The following FOXP2 variants were observed in gnomAD, a reference collection of about 807,000 sequenced individuals.
FOXP2 encodes forkhead box protein P2.
Under a neutral mutation model 115.8 loss-of-function variants are expected in FOXP2, and 12 were observed. The ratio of observed to expected loss-of-function variants is 0.10; its 90% CI spans 0.07 to 0.17. The LOEUF (loss-of-function observed/expected upper bound fraction) is 0.17, where lower values mean the gene tolerates loss of function less well. Ranked by LOEUF, FOXP2 falls within the 10% of genes least tolerant of loss-of-function variation. The pLI is 1.00. For missense variants in FOXP2, 629 were observed against 843.5 expected (o/e 0.75, Z 3.15); for synonymous variants, 328 against 297.7 (o/e 1.10, Z -1.05).
chr7:114,635,190 T>A (rs970348759), intron 6 of FOXP2, among the ~76,000 whole-genome samples: 2 of 152,206 alleles, frequency 1.3e-5, no homozygotes, highest in Non-Finnish European at 2.9e-5. Context: ...TTGGGCGCAA[T>A]ATTCAGCCAA....
chr7:114,232,852 C>A (rs1794918830), intron 1 of FOXP2, among the ~76,000 whole-genome samples: 1 of 151,920 alleles, frequency 6.6e-6, no homozygotes, highest in South Asian at 2.1e-4. Context: ...AAAGGACATC[C>A]TATTATATGC....
intron 2 of FOXP2, among the ~76,000 whole-genome samples, chr7:114,397,055 A>G (rs1056121792): frequency 6.6e-6 from 1 of 152,138 alleles, no homozygotes; most frequent in Non-Finnish European, 1.5e-5. Context: ...TTAAAAATAT[A>G]TACTAACATA....
At chr7:114,631,481 C>T (rs746624668) in intron 5 of FOXP2, 47 bp from the exon 6 acceptor site, 5 of 1,550,764 alleles carry the variant, frequency 3.2e-6, no homozygotes, top group Middle Eastern at 1.8e-4. Flanking sequence ...GCTGTTTGTA[C>T]AGACCATGTT....
intron 3 of FOXP2, among the ~76,000 whole-genome samples, chr7:114,553,914 G>C (rs141281208): frequency 6.6e-6 from 1 of 152,000 alleles, no homozygotes; most frequent in Non-Finnish European, 1.5e-5. Context: ...TAATGGATTT[G>C]CTATTGATCA....
chr7:114,152,838 GC>G (rs1283062553), intron 1 of FOXP2, among the ~76,000 whole-genome samples: 1 of 152,004 alleles, frequency 6.6e-6, no homozygotes, highest in Non-Finnish European at 1.5e-5. Context: ...GCCATGTGGG[GC>G]CCCCATACAC....
At chr7:114,554,507 C>T (rs1800363809) in intron 3 of FOXP2, among the ~76,000 whole-genome samples, 1 of 151,910 alleles carries the variant, frequency 6.6e-6, no homozygotes, top group Non-Finnish European at 1.5e-5. Flanking sequence ...ATTTTCTTTC[C>T]CAGTAAACTT....
intron 6 of FOXP2, 134 bp downstream of exon 6, chr7:114,631,839 A>G (rs539561546): frequency 1.7e-4 from 146 of 876,090 alleles, no homozygotes; most frequent in Non-Finnish European, 2.4e-4. Context: ...GATTGTTAAC[A>G]TGGTGGCATG....
chr7:114,603,697 C>T (rs1389588089), intron 3 of FOXP2, among the ~76,000 whole-genome samples: 1 of 152,084 alleles, frequency 6.6e-6, no homozygotes, highest in Non-Finnish European at 1.5e-5. Flanking sequence ...CTGTGGCTAG[C>T]ATATTTTATA....
chr7:114,592,690 A>G (rs949769136), intron 3 of FOXP2, among the ~76,000 whole-genome samples: 1 of 152,074 alleles, frequency 6.6e-6, no homozygotes, highest in African/African-American at 2.4e-5. Context: ...ATTTAAGGAT[A>G]TATTGTTTTA....
rs145082212 is a variant in FOXP2, at chr7:114,247,584, A to C, written c.-101-40435A>C. Among the ~76,000 whole-genome samples the C allele has an allele frequency of 3.7e-3, 563 of 152,308 alleles. 7 individuals are homozygous for C. The highest frequency in any genetic ancestry group is 4.2e-3 in the East Asian group (22 of 5,180). The stretch of plus-strand genomic sequence containing the variant: ...TAACTGGCACATGGCTGCGTCCTTG[A>C]AACCTTTCTGAAGTCATAGAATGAA... On this transcript the variant is annotated intron_variant, in intron 1 of 17. Coordinates refer to the FOXP2 transcript ENST00000634411.
intron 1 of FOXP2, among the ~76,000 whole-genome samples, chr7:114,249,113 A>C (rs1446622598): frequency 6.6e-6 from 1 of 152,204 alleles, no homozygotes; most frequent in Non-Finnish European, 1.5e-5. Flanking sequence ...TTCAATGATG[A>C]TCTGAAAATC....
chr7:114,136,229 C>T (rs369323599), intron 1 of FOXP2, among the ~76,000 whole-genome samples: 2 of 152,066 alleles, frequency 1.3e-5, no homozygotes, highest in African/African-American at 4.8e-5. Flanking sequence ...TATCCTACAA[C>T]AATAACATTT....
At chr7:114,516,524 C>T (rs1798352343) in intron 2 of FOXP2, among the ~76,000 whole-genome samples, 1 of 151,688 alleles carries the variant, frequency 6.6e-6, no homozygotes, top group African/African-American at 2.4e-5. Flanking sequence ...GAATATACAC[C>T]TAATAGTGGG....
intron 2 of FOXP2, among the ~76,000 whole-genome samples, chr7:114,364,818 G>A (rs1791839022): frequency 6.6e-6 from 1 of 152,052 alleles, no homozygotes; most frequent in African/African-American, 2.4e-5. Flanking sequence ...GTTAAATCAA[G>A]CACATAATCT....
At chr7:114,675,020 A>G (rs1046764444) in intron 16 of FOXP2, among the ~76,000 whole-genome samples, 1 of 152,084 alleles carries the variant, frequency 6.6e-6, no homozygotes, top group Non-Finnish European at 1.5e-5. Context: ...TTTTTCTGTG[A>G]TATGTTAAAT....
chr7:114,444,853 C>T (rs1188894164), intron 2 of FOXP2, among the ~76,000 whole-genome samples: 3 of 152,148 alleles, frequency 2.0e-5, no homozygotes, highest in Admixed American at 2.0e-4. Flanking sequence ...AATGGGAAAA[C>T]TCTTAATAGT....
At chr7:114,236,707 G>A (rs1488306163) in intron 1 of FOXP2, among the ~76,000 whole-genome samples, 4 of 152,160 alleles carry the variant, frequency 2.6e-5, no homozygotes, top group South Asian at 2.1e-4. Context: ...TACATGCACA[G>A]TGGTCACTCC....
intron 2 of FOXP2, among the ~76,000 whole-genome samples, chr7:114,427,942 A>G (rs929981916): frequency 2.0e-5 from 3 of 151,630 alleles, no homozygotes; most frequent in Non-Finnish European, 4.4e-5. Context: ...AACAATTTAT[A>G]TTTTGTTTTA....
At chr7:114,140,736 G>A (rs1326179998) in intron 1 of FOXP2, among the ~76,000 whole-genome samples, 1 of 152,174 alleles carries the variant, frequency 6.6e-6, no homozygotes. Flanking sequence ...TTGGAGAACA[G>A]CTTGGGTTAA....
Sources: gnomAD v4.1 joint callset for allele counts (sites outside exome capture counted in the v4.1 genomes callset) on GRCh38, gnomAD v4.1.1 for gene constraint, MANE v1.5 for transcripts, NCBI Gene and HGNC (gene_info 2026-07-23, HGNC 2026-07-21) for gene names.